The following ST3GAL2 variants were observed in gnomAD, a reference collection of about 807,000 sequenced individuals.
The protein encoded by ST3GAL2 is CMP-N-acetylneuraminate-beta-galactosamide-alpha-2,3-sialyltransferase 2.
Under a neutral mutation model 37.5 loss-of-function variants are expected in ST3GAL2, and 16 were observed. The observed-to-expected ratio is 0.43, with a 90% CI of 0.29 to 0.65. ST3GAL2 has a LOEUF of 0.65. Among genes scored for constraint, ST3GAL2 ranks in the 30% least tolerant of loss-of-function variants. The pLI is 0.17. For missense variants in ST3GAL2, 383 were observed against 487.8 expected, an observed-to-expected ratio of 0.79 and a Z score of 2.02; for synonymous variants, 238 against 202.9, an observed-to-expected ratio of 1.17 and a Z score of -1.47.
intron 1 of ST3GAL2, among the ~76,000 whole-genome samples, chr16:70,419,387 A>G (rs1214704399): frequency 2.0e-5 from 3 of 152,226 alleles, no homozygotes; most frequent in Non-Finnish European, 4.4e-5. Flanking sequence ...GTCACAATCC[A>G]ACCACGAGCA....
chr16:70,399,756 C>G (rs1300637887), intron 1 of ST3GAL2: 4 of 275,986 alleles, frequency 1.4e-5, no homozygotes, highest in African/African-American at 6.5e-5. Flanking sequence ...CACTTCTTAG[C>G]CAGAAGGTAA....
rs2047849410 is a variant in ST3GAL2 at position 70,439,033 on chromosome 16, GC to G, written c.-1089del. On this transcript the variant is annotated 5_prime_UTR_variant, in exon 1 of 7. Transcript: ENST00000342907. ...CGCGCAGAAAGCCGTCGCCGCCGCC[GC>G]CGCCGCCGCCGCCGTCGTCCGGACC... The G allele has an allele frequency of 1.2e-5, 2 of 162,544 alleles. No individual in the cohort carries two copies. The highest frequency in any genetic ancestry group is 3.6e-4 in the East Asian group (2 of 5,542). The allele number at this position is 162,544 out of a possible 1,614,324, so 10.1% of individuals were successfully genotyped here.
At chr16:70,411,515 A>G (rs768335477) in intron 1 of ST3GAL2, among the ~76,000 whole-genome samples, 31 of 152,138 alleles carry the variant, frequency 2.0e-4, no homozygotes, top group Non-Finnish European at 4.0e-4. Flanking sequence ...TCTCACGACC[A>G]TGAGAGACAT....
At chr16:70,421,232 G>A (rs1249606213) in intron 1 of ST3GAL2, among the ~76,000 whole-genome samples, 1 of 152,224 alleles carries the variant, frequency 6.6e-6, no homozygotes, top group Non-Finnish European at 1.5e-5. Flanking sequence ...ACCTACTCAG[G>A]CAGGGCCCCT....
chr16:70,399,564 G>A (rs919338325), intron 1 of ST3GAL2, 31 bp from the exon 2 acceptor site: 6 of 397,270 alleles, frequency 1.5e-5, no homozygotes, highest in Non-Finnish European at 2.2e-5. Flanking sequence ...AATAATGTGC[G>A]GATGAATCAC....
chr16:70,396,734 T>A (rs1291477056), intron 2 of ST3GAL2, among the ~76,000 whole-genome samples: 2 of 152,108 alleles, frequency 1.3e-5, no homozygotes, highest in African/African-American at 4.8e-5. Context: ...CATGAGCTCA[T>A]CCCTTGCAGC....
chr16:70,435,439 T>C (rs2151682769), intron 1 of ST3GAL2, among the ~76,000 whole-genome samples: 1 of 151,726 alleles, frequency 6.6e-6, no homozygotes, highest in Admixed American at 6.6e-5. Context: ...CTACTAAAAA[T>C]ACAAAAAAAT....
In ST3GAL2 at chr16:70,381,325, T is replaced by A. The variant is rs763054071; in HGVS notation, c.*364A>T. On this transcript the variant is annotated 3_prime_UTR_variant, in exon 7 of 7. Transcript: ENST00000342907. ...TCCGCCCGAGGCTGACGGAAGTGCT[T>A]CGCCGAGGCCCGCGCCATGCTCTCC... The A allele has an allele frequency of 3.0e-5, 6 of 198,916 alleles. No homozygotes were observed. Among genetic ancestry groups the A allele is most frequent in the Non-Finnish European group, 6.2e-5 (6 of 96,226 alleles). The allele number at this position is 198,916 out of a possible 1,614,324, so 12.3% of individuals were successfully genotyped here.
rs760479986 is a variant in ST3GAL2, at chr16:70,388,359, A to G, written c.713+8T>C. Reference sequence around the variant, plus strand: ...CCCATATTCTACCCAGGCCAGCAAGAAGCTCACAATCGGATCTGCCCCGTG... The same window carrying G: ...CCCATATTCTACCCAGGCCAGCAAGGAGCTCACAATCGGATCTGCCCCGTG... On this transcript the variant is annotated splice_region_variant and intron_variant, in intron 4 of 6. Coordinates refer to ENST00000342907, the MANE Select transcript of ST3GAL2 (RefSeq NM_006927.4). The G allele has an allele frequency of 1.2e-6, 2 of 1,614,062 alleles. No homozygotes were observed. The highest frequency in any genetic ancestry group is 1.7e-5 in the Admixed American group (1 of 59,992).
intron 1 of ST3GAL2, among the ~76,000 whole-genome samples, chr16:70,415,555 G>A (rs1277597681): frequency 3.9e-5 from 6 of 151,900 alleles, no homozygotes; most frequent in Non-Finnish European, 8.8e-5. Context: ...GGGTTCAAGC[G>A]ATTCTCCTGC....
At chr16:70,415,379 G>C (rs188643733) in intron 1 of ST3GAL2, among the ~76,000 whole-genome samples, 1 of 151,724 alleles carries the variant, frequency 6.6e-6, no homozygotes, top group African/African-American at 2.4e-5. Flanking sequence ...ACAGCCCTCC[G>C]GGCGGCACGG....
intron 3 of ST3GAL2, among the ~76,000 whole-genome samples, chr16:70,392,690 G>A (rs767930773): frequency 1.3e-5 from 2 of 152,166 alleles, no homozygotes; most frequent in Admixed American, 6.5e-5. Context: ...CCATCATCTC[G>A]CTGTAACTCA....
intron 2 of ST3GAL2, among the ~76,000 whole-genome samples, chr16:70,395,599 G>A (rs2047510241): frequency 6.6e-6 from 1 of 152,200 alleles, no homozygotes; most frequent in African/African-American, 2.4e-5. Flanking sequence ...CAGAAGCCAC[G>A]TCCAGGGTGA....
chr16:70,421,718 G>A (rs1008218512), intron 1 of ST3GAL2, among the ~76,000 whole-genome samples: 5 of 152,106 alleles, frequency 3.3e-5, no homozygotes, highest in Admixed American at 3.3e-4. Flanking sequence ...TCTTACTCCA[G>A]CCCAGGCTGG....
At chr16:70,431,091 G>C (rs189396251) in intron 1 of ST3GAL2, among the ~76,000 whole-genome samples, 19 of 151,340 alleles carry the variant, frequency 1.3e-4, no homozygotes, top group African/African-American at 4.4e-4. Context: ...AGGAAGGAGG[G>C]GGCGTGGGGG....
At chr16:70,404,051 AC>A in intron 1 of ST3GAL2, among the ~76,000 whole-genome samples, 1 of 152,184 alleles carries the variant, frequency 6.6e-6, no homozygotes, top group African/African-American at 2.4e-5. Flanking sequence ...AGGCAGTTGA[AC>A]ACACCTGTTT....
chr16:70,435,735 A>G (rs1470936256), intron 1 of ST3GAL2, among the ~76,000 whole-genome samples: 1 of 151,044 alleles, frequency 6.6e-6, no homozygotes, highest in Non-Finnish European at 1.5e-5. Context: ...CAGAGGTTGC[A>G]GTGAGCCGAG....
chr16:70,398,558 G>A lies in ST3GAL2; in HGVS notation c.-28C>T, dbSNP rs757990712. 5 of 1,550,372 alleles carry A rather than the reference G, an allele frequency of 3.2e-6. No homozygotes were observed. Among genetic ancestry groups the A allele is most frequent in the African/African-American group, 2.7e-5 (2 of 73,560 alleles). ...TGCCGGCAGGCGGGTGACGGTCACC[G>A]TGGCCACTCTTTTCCCAGCCCGCTG... On this transcript the variant is annotated 5_prime_UTR_variant, in exon 2 of 7. It adds an upstream start codon to the 5' untranslated region. Coordinates refer to ENST00000342907, the MANE Select transcript of ST3GAL2 (RefSeq NM_006927.4).
At chr16:70,386,070 G>C (rs1255749419) in intron 4 of ST3GAL2, among the ~76,000 whole-genome samples, 1 of 152,054 alleles carries the variant, frequency 6.6e-6, no homozygotes, top group African/African-American at 2.4e-5. Context: ...CGTCAGGCTT[G>C]AATGCAGTGG....
Sources: allele counts gnomAD v4.1 joint callset (sites outside exome capture counted in the v4.1 genomes callset), GRCh38; gene constraint gnomAD v4.1.1; transcripts MANE v1.5; gene names NCBI Gene and HGNC (gene_info 2026-07-23, HGNC 2026-07-21).